VWA1: variants seen among roughly 807,000 people sequenced by gnomAD.
The protein encoded by VWA1 is von Willebrand factor A domain-containing protein 1.
VWA1 carries 12 observed loss-of-function variants against 14.9 expected under a neutral mutation model. That is an observed-to-expected ratio of 0.80 (90% CI 0.52 to 1.30). The LOEUF (loss-of-function observed/expected upper bound fraction) is 1.30. Among genes scored for constraint, VWA1 ranks in the 50% most tolerant of loss-of-function variants. The probability of loss-of-function intolerance (pLI) is 0.00; values close to 1 mark genes in which losing one functional copy is unlikely to be tolerated. For synonymous variants in VWA1, 368 were observed against 310.7 expected (o/e 1.18, Z -1.94); for missense variants, 800 against 649.1 (o/e 1.23, Z -2.53).
chr1:1,439,844 C>G lies in VWA1; in HGVS notation c.*57C>G. ...CGCCTACCTGAGGGCCCCTGTGTCC[C>G]GAACCCGGAGCGGAGGCGCCCAACC... is the stretch of plus-strand genomic sequence containing the variant. On this transcript the variant is annotated 3_prime_UTR_variant, in exon 3 of 3. Coordinates refer to ENST00000476993, the MANE Select transcript of VWA1 (RefSeq NM_022834.5). The G allele has an allele frequency of 1.9e-6, 2 of 1,052,038 alleles. No homozygotes were observed. Among genetic ancestry groups the G allele is most frequent in the Non-Finnish European group, 2.3e-6 (2 of 872,172 alleles). 65.2% of individuals were successfully genotyped at this position (1,052,038 alleles called of 1,614,324 possible). A position where few individuals can be genotyped will look rare whatever the true frequency, so the allele number is the denominator to read the frequency against.
rs1638680280 is a variant in VWA1 at position 1,442,033 on chromosome 1, G to T, written c.*2246G>T. 1 of 152,368 alleles carries T rather than the reference G, an allele frequency of 6.6e-6. No individual in the cohort carries two copies. The highest frequency in any genetic ancestry group is 2.1e-4 in the South Asian group (1 of 4,836). The allele number at this position is 152,368 out of a possible 1,614,324, so 9.4% of individuals were successfully genotyped here. ...CGTCTCCATCTCAGTGCCAAGGAAT[G>T]CCCCTTTCAGAAGCCCTCGTCTGAG... On this transcript the variant is annotated 3_prime_UTR_variant, in exon 3 of 3. Coordinates refer to ENST00000476993, the MANE Select transcript of VWA1 (RefSeq NM_022834.5).
At position 1,437,896 on chromosome 1, in the gene VWA1, C is replaced by A. The variant is rs905995137; in HGVS notation, c.631+412C>A. ...CCAGAAAGGTCAGGGACTGCCCCCCCAGAGAGCACAGGGCACCTCTCCTGG... is the reference window on the plus strand; with the variant it reads ...CCAGAAAGGTCAGGGACTGCCCCCCAAGAGAGCACAGGGCACCTCTCCTGG... On this transcript the variant is annotated intron_variant, in intron 2 of 2. Transcript: ENST00000476993. Among the ~76,000 whole-genome samples, 4 of 152,228 alleles carry A rather than the reference C, an allele frequency of 2.6e-5. No individual in the cohort carries two copies. In the East Asian group the frequency reaches 5.8e-4, roughly 22 times the overall value.
At position 1,439,665 on chromosome 1, in the gene VWA1, G is replaced by A; in HGVS notation, c.1216G>A (p.Ala406Thr). ...GTAYLVTVTAAFRSGRESALS... is the reference protein window; with the variant it reads ...GTAYLVTVTATFRSGRESALS... ...CGCCTACCTGGTGACCGTGACCGCC[G>A]CCTTCCGCTCGGGCCGCGAGAGCGC... Residue 406 changes from alanine (A) to threonine (T), a missense_variant, in exon 3 of 3, where the codon GCC becomes ACC. Coordinates refer to ENST00000476993, the MANE Select transcript of VWA1 (RefSeq NM_022834.5). 2 of 1,315,512 alleles carry A rather than the reference G, an allele frequency of 1.5e-6. No homozygotes were observed. Among genetic ancestry groups the A allele is most frequent in the Non-Finnish European group, 2.0e-6 (2 of 1,024,270 alleles). 81.5% of individuals were successfully genotyped at this position (1,315,512 alleles called of 1,614,324 possible).
In VWA1 at chr1:1,437,053, G is replaced by A. The variant is rs542170050; in HGVS notation, c.200G>A (p.Gly67Asp). Residue 67 changes from glycine to aspartate, a missense_variant, in exon 2 of 3, where the codon GGC becomes GAC. By Grantham distance (94) the Gly-to-Asp change is moderately conservative. Transcript: ENST00000476993. ...VGQLVAPLPL[G>D]TGALRASLVH... ...CAGCTGGTGGCTCCACTGCCCCTGG[G>A]CACCGGGGCCCTGCGTGCCAGTCTG... is the stretch of plus-strand genomic sequence containing the variant. 56 of 1,611,190 alleles carry A rather than the reference G, an allele frequency of 3.5e-5. No homozygotes were observed. In the East Asian group the frequency reaches 8.2e-4, roughly 24 times the overall value.
intron 1 of VWA1, among the ~76,000 whole-genome samples, chr1:1,436,441 C>T (rs1030521535): frequency 5.6e-4 from 85 of 152,336 alleles, no homozygotes; most frequent in African/African-American, 2.0e-3. Context: ...CCAGGCCATC[C>T]GGCGTGGTCA....
rs1476457648 is a variant in VWA1, at chr1:1,439,808, G to A, written c.*21G>A. 9.4e-7 allele frequency: 1 copy of A among 1,064,796 alleles called. No homozygotes were observed. Among genetic ancestry groups the A allele is most frequent in the East Asian group, 6.9e-5 (1 of 14,518 alleles). The allele number at this position is 1,064,796 out of a possible 1,614,324, so 66.0% of individuals were successfully genotyped here. A position where few individuals can be genotyped will look rare whatever the true frequency, so the allele number is the denominator to read the frequency against. ...CGTAAGCCGGCGTCCCCGCCCAGCC[G>A]AGAGGGCCGGCGCCTACCTGAGGGC... On this transcript the variant is annotated 3_prime_UTR_variant, in exon 3 of 3. Transcript: ENST00000476993.
Position 1,437,493 on chromosome 1 carries a change from G to T in VWA1, c.631+9G>T. ...GAGGGGCTCCATTCTCGGTATGCGG[G>T]AGGAGGCAGGGCCCAGGGAGCCCTA... On this transcript the variant is annotated intron_variant, in intron 2 of 2. Transcript: ENST00000476993. 6.3e-7 allele frequency: 1 copy of T among 1,593,406 alleles called. No individual in the cohort carries two copies.
At position 1,437,184 on chromosome 1, in the gene VWA1, A is replaced by G; in HGVS notation, c.331A>G (p.Thr111Ala). ...VRASAQRMGD[T>A]HTGLALVYAK... ...TGCTTCTGCCCAGCGCATGGGTGAC[A>G]CCCACACTGGCCTGGCGCTGGTCTA... The change falls in exon 2 of 3, where the codon ACC becomes GCC. Residue 111 changes from threonine to alanine, a missense_variant. Coordinates refer to ENST00000476993, the MANE Select transcript of VWA1 (RefSeq NM_022834.5). 3 of 1,611,714 alleles carry G rather than the reference A, an allele frequency of 1.9e-6. No individual in the cohort carries two copies. Among genetic ancestry groups the G allele is most frequent in the Non-Finnish European group, 2.5e-6 (3 of 1,179,552 alleles).
At position 1,439,581 on chromosome 1, in the gene VWA1, C is replaced by G. The variant is rs758041400; in HGVS notation, c.1132C>G (p.Arg378Gly). ...FGPLRGGEAQ[R>G]VEVPAGRNCT... ...GCCGCTGCGGGGCGGGGAGGCGCAGCGGGTGGAGGTGCCCGCGGGCCGCAA... is the reference window on the plus strand; with the variant it reads ...GCCGCTGCGGGGCGGGGAGGCGCAGGGGGTGGAGGTGCCCGCGGGCCGCAA... The change falls in exon 3 of 3, where the codon CGG becomes GGG. Residue 378 changes from arginine (R) to glycine (G), a missense_variant. Transcript: ENST00000476993. The G allele has an allele frequency of 2.3e-6, 3 of 1,300,150 alleles. No individual in the cohort carries two copies. Among genetic ancestry groups the G allele is most frequent in the Non-Finnish European group, 2.9e-6 (3 of 1,025,990 alleles). The allele number at this position is 1,300,150 out of a possible 1,614,324, so 80.5% of individuals were successfully genotyped here.
In VWA1 at chr1:1,439,151, C is replaced by G. The variant is rs1055751079; in HGVS notation, c.702C>G (p.Pro234=). The G allele has an allele frequency of 6.2e-7, 1 of 1,602,850 alleles. No homozygotes were observed. The highest frequency in any genetic ancestry group is 8.5e-7 in the Non-Finnish European group (1 of 1,179,368). ...TSSGFRLAWP[P]LLTADSGYYV... is the part of the protein sequence containing the mutation. ...GCGGCTTCCGCCTGGCCTGGCCACC[C>G]CTGCTGACCGCAGACTCGGGCTACT... The change falls in exon 3 of 3, where the codon CCC becomes CCG. Residue 234 remains proline, a synonymous_variant. Coordinates refer to ENST00000476993, the MANE Select transcript of VWA1 (RefSeq NM_022834.5).
Position 1,436,986 on chromosome 1 carries a change from G to A in VWA1, c.133G>A (p.Val45Ile), listed in dbSNP as rs756502116. ...LMFLLDSSAS[V>I]SHYEFSRVRE... The stretch of plus-strand genomic sequence containing the variant: ...GTTCCTGCTGGACAGCTCAGCCAGC[G>A]TCTCTCACTACGAGTTCTCCCGGGT... Residue 45 changes from valine (V) to isoleucine (I), a missense_variant, in exon 2 of 3, where the codon GTC becomes ATC. Transcript: ENST00000476993. 12 of 1,612,520 alleles carry A rather than the reference G, an allele frequency of 7.4e-6. No homozygotes were observed. The highest frequency in any genetic ancestry group is 1.0e-5 in the Non-Finnish European group (12 of 1,179,902).
chr1:1,439,063 C>T lies in VWA1; in HGVS notation c.632-18C>T. 2 of 1,595,106 alleles carry T rather than the reference C, an allele frequency of 1.3e-6. No individual in the cohort carries two copies. Among genetic ancestry groups the T allele is most frequent in the Admixed American group, 1.7e-5 (1 of 59,620 alleles). The stretch of plus-strand genomic sequence containing the variant: ...GAGGAACTGACCGCTGTTCCCTGAC[C>T]CCCTGCACCACCCACAGACGCGATG... On this transcript the variant is annotated intron_variant, in intron 2 of 2. Coordinates refer to ENST00000476993, the MANE Select transcript of VWA1 (RefSeq NM_022834.5).
intron 2 of VWA1, among the ~76,000 whole-genome samples, chr1:1,437,889 G>GC (rs943271166): frequency 6.6e-6 from 1 of 152,238 alleles, no homozygotes; most frequent in Non-Finnish European, 1.5e-5. Flanking sequence ...GTCAGGGACT[G>GC]CCCCCCCAGA....
chr1:1,436,985 C>T lies in VWA1; in HGVS notation c.132C>T (p.Ser44=), dbSNP rs370040804. ...DLMFLLDSSA[S]VSHYEFSRVR... is the part of the protein sequence containing the mutation. ...TGTTCCTGCTGGACAGCTCAGCCAG[C>T]GTCTCTCACTACGAGTTCTCCCGGG... Residue 44 remains serine (S), a synonymous_variant, in exon 2 of 3, where the codon AGC becomes AGT. Transcript: ENST00000476993. 11 of 1,612,520 alleles carry T rather than the reference C, an allele frequency of 6.8e-6. No homozygotes were observed. In the African/African-American group the frequency reaches 8.0e-5, roughly 12 times the overall value.
chr1:1,436,239 T>G (rs1638537869), intron 1 of VWA1, among the ~76,000 whole-genome samples: 1 of 152,134 alleles, frequency 6.6e-6, no homozygotes, highest in Non-Finnish European at 1.5e-5. Context: ...GTGCCCTGGC[T>G]TGGTGGGGAG....
rs1638557473 is a variant in VWA1, at chr1:1,436,982, C to T, written c.129C>T (p.Ala43=). 10 of 1,612,524 alleles carry T rather than the reference C, an allele frequency of 6.2e-6. No homozygotes were observed. The highest frequency in any genetic ancestry group is 1.7e-5 in the Admixed American group (1 of 59,976). ...GDLMFLLDSS[A]SVSHYEFSRV... ...TGATGTTCCTGCTGGACAGCTCAGC[C>T]AGCGTCTCTCACTACGAGTTCTCCC... The change falls in exon 2 of 3, where the codon GCC becomes GCT. Residue 43 remains alanine, a synonymous_variant. Transcript: ENST00000476993.
chr1:1,439,331 C>G lies in VWA1; in HGVS notation c.882C>G (p.Pro294=), dbSNP rs756120330. The change falls in exon 3 of 3, where the codon CCC becomes CCG. Residue 294 remains proline, a synonymous_variant. Coordinates refer to ENST00000476993, the MANE Select transcript of VWA1 (RefSeq NM_022834.5). The part of the protein sequence containing the change: ...VPESNVRLLR[P]QILRVRTRPG... ...AGTCCAACGTGCGCCTCCTGAGGCC[C>G]CAGATCCTGCGGGTGCGCACGCGGC... 17 of 1,578,786 alleles carry G rather than the reference C, an allele frequency of 1.1e-5. No individual in the cohort carries two copies. The East Asian group carries it at 2.8e-4, about 26-fold the overall frequency.
In VWA1 at chr1:1,437,311, C is replaced by T; in HGVS notation, c.458C>T (p.Pro153Leu). 1 of 1,611,538 alleles carries T rather than the reference C, an allele frequency of 6.2e-7. No homozygotes were observed. The highest frequency in any genetic ancestry group is 8.5e-7 in the Non-Finnish European group (1 of 1,179,474). Residue 153 changes from proline to leucine, a missense_variant, in exon 2 of 3, where the codon CCC becomes CTC. By Grantham distance (98) the Pro-to-Leu change is moderately conservative (BLOSUM62 -3). Transcript: ENST00000476993. ...TDGGSSDPVG[P>L]PMQELKDLGV... Reference sequence around the variant, plus strand: ...GGCGGCTCCAGCGACCCTGTGGGCCCCCCCATGCAGGAGCTCAAGGACCTG... The same window carrying T: ...GGCGGCTCCAGCGACCCTGTGGGCCTCCCCATGCAGGAGCTCAAGGACCTG...
chr1:1,439,290 G>A lies in VWA1; in HGVS notation c.841G>A (p.Val281Met). 1.2e-6 allele frequency: 2 copies of A among 1,600,184 alleles called. No homozygotes were observed. The highest frequency in any genetic ancestry group is 1.7e-5 in the Admixed American group (1 of 58,892). ...AGLDPDTDYD[V>M]ALVPESNVRL... ...CCTCGACCCGGACACGGACTACGACGTGGCGCTAGTGCCTGAGTCCAACGT... is the reference window on the plus strand; with the variant it reads ...CCTCGACCCGGACACGGACTACGACATGGCGCTAGTGCCTGAGTCCAACGT... The change falls in exon 3 of 3, where the codon GTG becomes ATG. Residue 281 changes from valine to methionine, a missense_variant. By Grantham distance (21) the Val-to-Met change is conservative. Coordinates refer to ENST00000476993, the MANE Select transcript of VWA1 (RefSeq NM_022834.5).
Sources: gnomAD v4.1 joint callset for allele counts (sites outside exome capture counted in the v4.1 genomes callset) on GRCh38, gnomAD v4.1.1 for gene constraint, MANE v1.5 for transcripts, NCBI Gene and HGNC (gene_info 2026-07-23, HGNC 2026-07-21) for gene names.